Variants in SCFD1 observed in about 807,000 individuals in gnomAD.
SCFD1 encodes the protein sec1 family domain containing 1.
In SCFD1, 37 loss-of-function variants were observed where a neutral mutation model predicts 103.2. The ratio of observed to expected loss-of-function variants is 0.36; its 90% CI spans 0.28 to 0.47. The LOEUF is 0.47. SCFD1 is among the 20% of genes least tolerant of loss of function. The pLI is 1.00. For missense variants in SCFD1, 639 were observed against 761.2 expected, an observed-to-expected ratio of 0.84 and a Z score of 1.89; for synonymous variants, 264 against 245.0, an observed-to-expected ratio of 1.08 and a Z score of -0.73.
intron 20 of SCFD1, among the ~76,000 whole-genome samples, chr14:30,718,521 TCTC>T (rs1487746251): frequency 6.6e-6 from 1 of 152,208 alleles, no homozygotes; most frequent in East Asian, 1.9e-4. Context: ...TTATCATCCT[TCTC>T]CTGTTCCCAG....
chr14:30,719,448 A>G, intron 21 of SCFD1, 71 bp downstream of exon 21: 3 of 1,059,484 alleles, frequency 2.8e-6, no homozygotes, highest in South Asian at 2.7e-5. Flanking sequence ...TTTTTATTAT[A>G]TAGTACTGCT....
chr14:30,634,906 A>G (rs1310777476), intron 4 of SCFD1: 1 of 455,968 alleles, frequency 2.2e-6, no homozygotes, highest in South Asian at 1.5e-5. Flanking sequence ...GAAGACCTTT[A>G]TTTATTTCTC....
intron 10 of SCFD1, among the ~76,000 whole-genome samples, chr14:30,667,285 A>G (rs1310445662): frequency 6.6e-6 from 1 of 152,254 alleles, no homozygotes; most frequent in East Asian, 1.9e-4. Context: ...CATCATATAA[A>G]CAGAACCAAA....
intron 14 of SCFD1, among the ~76,000 whole-genome samples, chr14:30,679,804 A>G: frequency 6.6e-6 from 1 of 151,496 alleles, no homozygotes; most frequent in East Asian, 1.9e-4. Context: ...TTTTGTGCTG[A>G]TTTGTTTAAA....
At chr14:30,694,228 A>G (rs924191967) in intron 14 of SCFD1, among the ~76,000 whole-genome samples, 1 of 152,228 alleles carries the variant, frequency 6.6e-6, no homozygotes, top group African/African-American at 2.4e-5. Flanking sequence ...AATTAATACA[A>G]TAAGTAACAA....
At chr14:30,650,515 A>G (rs201905696) in intron 8 of SCFD1, 50 bp from the exon 9 acceptor site, 2 of 1,094,556 alleles carry the variant, frequency 1.8e-6, no homozygotes, top group African/African-American at 1.6e-5. Context: ...ATTAACCTCC[A>G]TAAAGTTATA....
At chr14:30,733,655 G>A (rs1295936029) in intron 23 of SCFD1, among the ~76,000 whole-genome samples, 2 of 152,170 alleles carry the variant, frequency 1.3e-5, no homozygotes, top group African/African-American at 2.4e-5. Context: ...TAGAGACTAC[G>A]ATAAACCAGG....
chr14:30,643,454 AAG>A, intron 7 of SCFD1, 49 bp downstream of exon 7: 6 of 1,282,610 alleles, frequency 4.7e-6, no homozygotes, highest in Non-Finnish European at 6.8e-6. Flanking sequence ...ATTATTTAAC[AAG>A]TAATTTTAAT....
At chr14:30,707,437 AT>A (rs1455196334) in intron 18 of SCFD1, among the ~76,000 whole-genome samples, 3 of 152,142 alleles carry the variant, frequency 2.0e-5, no homozygotes, top group Non-Finnish European at 4.4e-5. Context: ...TCTGTTTCAC[AT>A]TTTTTTATGA....
rs774735133 is a variant in SCFD1, at chr14:30,673,242, G to A, written c.996-15G>A. On this transcript the variant is annotated splice_polypyrimidine_tract_variant and intron_variant, in intron 11 of 24. Coordinates refer to ENST00000458591, the MANE Select transcript of SCFD1 (RefSeq NM_016106.4). ...TTAATGTCATCCTCATAGTTCTTGT[G>A]CAATACTGTTTTAGTCCATTCCCAG... The A allele has an allele frequency of 1.2e-5, 17 of 1,432,676 alleles. No homozygotes were observed. Among genetic ancestry groups the A allele is most frequent in the Non-Finnish European group, 1.4e-5 (15 of 1,039,060 alleles). 88.7% of individuals were successfully genotyped at this position (1,432,676 alleles called of 1,614,324 possible). A position where few individuals can be genotyped will look rare whatever the true frequency, so the allele number is the denominator to read the frequency against.
Position 30,735,642 on chromosome 14 carries a change from G to A in SCFD1, c.*33G>A. On this transcript the variant is annotated 3_prime_UTR_variant, in exon 25 of 25. Coordinates refer to ENST00000458591, the MANE Select transcript of SCFD1 (RefSeq NM_016106.4). ...GAACCTTACTATGATAATCTACTTGGAATGTGGATAAATGTAAAAAGAAGA... is the reference window on the plus strand; with the variant it reads ...GAACCTTACTATGATAATCTACTTGAAATGTGGATAAATGTAAAAAGAAGA... 1 of 1,528,826 alleles carries A rather than the reference G, an allele frequency of 6.5e-7. No individual in the cohort carries two copies. The highest frequency in any genetic ancestry group is 1.8e-5 in the Admixed American group (1 of 55,310). The allele number at this position is 1,528,826 out of a possible 1,614,324, so 94.7% of individuals were successfully genotyped here.
chr14:30,653,637 T>C (rs774581816), intron 10 of SCFD1, 49 bp downstream of exon 10: 2 of 1,237,104 alleles, frequency 1.6e-6, no homozygotes, highest in East Asian at 4.7e-5. Context: ...TAACATGCAG[T>C]GTTCCCTTTA....
At chr14:30,622,430 T>G (rs1164607750) in intron 1 of SCFD1, 31 bp downstream of exon 1, 2 of 1,550,132 alleles carry the variant, frequency 1.3e-6, no homozygotes, top group African/African-American at 2.7e-5. Flanking sequence ...CCTTGAAGCT[T>G]CGTGACTGCC....
Position 30,622,349 on chromosome 14 carries a change from C to T in SCFD1, c.11C>T (p.Ala4Val), listed in dbSNP as rs376786109. ...CTCGTGGGAGCCAAGATGGCGGCGG[C>T]GGCGGCAGCGACAGCAGCAGCAGCA... MAA[A>V]AAATAAAAAS... The change falls in exon 1 of 25, where the codon GCG (alanine) becomes GTG (valine). Residue 4 changes from alanine (A) to valine (V), a missense_variant. Coordinates refer to ENST00000458591, the MANE Select transcript of SCFD1 (RefSeq NM_016106.4). 5.1e-6 allele frequency: 8 copies of T among 1,569,722 alleles called. No homozygotes were observed. Among genetic ancestry groups the T allele is most frequent in the East Asian group, 2.4e-5 (1 of 42,414 alleles).
At chr14:30,646,479 A>G (rs1328353370) in intron 7 of SCFD1, among the ~76,000 whole-genome samples, 1 of 152,162 alleles carries the variant, frequency 6.6e-6, no homozygotes, top group Non-Finnish European at 1.5e-5. Flanking sequence ...GGAATAAAGC[A>G]TACTTGATCG....
chr14:30,691,582 G>T (rs1490814440), intron 14 of SCFD1, among the ~76,000 whole-genome samples: 1 of 152,166 alleles, frequency 6.6e-6, no homozygotes, highest in East Asian at 1.9e-4. Flanking sequence ...TTAAAGGGCT[G>T]TTACTTTTAA....
At position 30,684,803 on chromosome 14, in the gene SCFD1, C is replaced by CTTTTTT. The variant is rs780577178; in HGVS notation, c.1242+9752_1242+9757dup. Among the ~76,000 whole-genome samples the CTTTTTT allele has an allele frequency of 2.0e-3, 109 of 54,854 alleles. 4 individuals carry two copies. The highest frequency in any genetic ancestry group is 8.1e-3 in the African/African-American group (86 of 10,680). 36.0% of individuals were successfully genotyped at this position (54,854 alleles called of 152,430 possible). A position where few individuals can be genotyped will look rare whatever the true frequency, so the allele number is the denominator to read the frequency against. On this transcript the variant is annotated intron_variant, in intron 14 of 24. Coordinates refer to ENST00000458591, the MANE Select transcript of SCFD1 (RefSeq NM_016106.4). ...ACAATGCTGTATGTTGCAATTGTTT[C>CTTTTTT]TTTTTTTTTTTTTTTTTTTATTATA...
At chr14:30,630,901 C>T (rs1884041783) in intron 3 of SCFD1, 1 of 200,896 alleles carries the variant, frequency 5.0e-6, no homozygotes, top group African/African-American at 2.4e-5. Flanking sequence ...GGGTTACATA[C>T]TTATAAACCC....
intron 23 of SCFD1, among the ~76,000 whole-genome samples, chr14:30,728,391 A>G (rs1893200773): frequency 6.6e-6 from 1 of 152,218 alleles, no homozygotes; most frequent in African/African-American, 2.4e-5. Flanking sequence ...CAAATGATAT[A>G]TAAGTAGGAG....
Sources: allele counts gnomAD v4.1 joint callset (sites outside exome capture counted in the v4.1 genomes callset), GRCh38; gene constraint gnomAD v4.1.1; transcripts MANE v1.5; gene names NCBI Gene and HGNC (gene_info 2026-07-23, HGNC 2026-07-21).